PARD3B: variants seen among roughly 807,000 people sequenced by gnomAD.
PARD3B encodes partitioning defective 3 homolog B.
Under a neutral mutation model 130.2 loss-of-function variants are expected in PARD3B, and 103 were observed. That is an observed-to-expected ratio of 0.79 (90% CI 0.67 to 0.93). The LOEUF (loss-of-function observed/expected upper bound fraction) is 0.93. PARD3B is among the 40% of genes least tolerant of loss of function. The pLI is 0.00. For missense variants in PARD3B, 1,609 were observed against 1,499.2 expected, an observed-to-expected ratio of 1.07 and a Z score of -1.21; for synonymous variants, 583 against 553.2, an observed-to-expected ratio of 1.05 and a Z score of -0.76.
At chr2:205,447,299 C>T (rs1000317450) in intron 20 of PARD3B, among the ~76,000 whole-genome samples, 5 of 136,726 alleles carry the variant, frequency 3.7e-5, no homozygotes, top group Non-Finnish European at 7.4e-5. Context: ...CCTGCTTTTG[C>T]TCACCTGTCT....
chr2:205,470,639 C>T lies in PARD3B; in HGVS notation c.3045-29257C>T, dbSNP rs1203491145. ...ACAGGCAGGTCACTATCAGCATTTC[C>T]AGGGCAACCCTGTCTCCCACTTAGA... On this transcript the variant is annotated intron_variant, in intron 20 of 22. Coordinates refer to ENST00000406610, the MANE Select transcript of PARD3B (RefSeq NM_001302769.2). The surrounding 1 kb of genome is among the most constrained non-coding windows in gnomAD (Gnocchi z 4.8). Among the ~76,000 whole-genome samples, 3 of 152,128 alleles carry T rather than the reference C, an allele frequency of 2.0e-5. No homozygotes were observed. Among genetic ancestry groups the T allele is most frequent in the Admixed American group, 6.5e-5 (1 of 15,270 alleles).
chr2:205,602,129 A>G (rs573205311), intron 22 of PARD3B, among the ~76,000 whole-genome samples: 1 of 152,358 alleles, frequency 6.6e-6, no homozygotes, highest in African/African-American at 2.4e-5. Context: ...ATCTATTGAG[A>G]TAATCATGTG....
intron 3 of PARD3B, among the ~76,000 whole-genome samples, chr2:205,003,595 G>A (rs1251850149): frequency 6.6e-6 from 1 of 152,074 alleles, no homozygotes; most frequent in Non-Finnish European, 1.5e-5. Flanking sequence ...CTGAATTGTA[G>A]CCCACAGTCT....
rs187814205 is a variant in PARD3B, at chr2:204,572,987, C to A, written c.120+26868C>A. On this transcript the variant is annotated intron_variant, in intron 1 of 22. Coordinates refer to ENST00000406610, the MANE Select transcript of PARD3B (RefSeq NM_001302769.2). ...TCCTGGAAGAGATGAAACTTGACTT[C>A]TCTGCTATCTTAAATTATTGACTCA... is the stretch of plus-strand genomic sequence containing the variant. Among the ~76,000 whole-genome samples, 3 of 152,320 alleles carry A rather than the reference C, an allele frequency of 2.0e-5. No individual in the cohort carries two copies. In the East Asian group the frequency reaches 5.8e-4, roughly 29 times the overall value.
rs1222042706 is a variant in PARD3B, at chr2:204,998,488, ATATG to A, written c.394+33169_394+33172del. The stretch of plus-strand genomic sequence containing the variant: ...ATATGTATATATATGTGTATATAAT[ATATG>A]TATATATATGTGTATATATATATGT... On this transcript the variant is annotated intron_variant, in intron 3 of 22. Transcript: ENST00000406610. Among the ~76,000 whole-genome samples the A allele has an allele frequency of 1.3e-4, 14 of 110,318 alleles. 1 individual carries two copies. The highest frequency in any genetic ancestry group is 5.2e-4 in the African/African-American group (14 of 27,012). The allele number at this position is 110,318 out of a possible 152,430, so 72.4% of individuals were successfully genotyped here.
rs111907715 is a variant in PARD3B at position 204,883,720 on chromosome 2, A to G, written c.223-81432A>G. On this transcript the variant is annotated intron_variant, in intron 2 of 22. Coordinates refer to ENST00000406610, the MANE Select transcript of PARD3B (RefSeq NM_001302769.2). ...TGGCCTCCCAAAGTGCTGGGATTACACACATGAGCCACCGCACCTGGCCTA... is the reference window on the plus strand; with the variant it reads ...TGGCCTCCCAAAGTGCTGGGATTACGCACATGAGCCACCGCACCTGGCCTA... Among the ~76,000 whole-genome samples, 23 of 151,612 alleles carry G rather than the reference A, an allele frequency of 1.5e-4. 1 individual carries two copies. Among genetic ancestry groups the G allele is most frequent in the African/African-American group, 5.1e-4 (21 of 41,294 alleles).
At chr2:205,557,678 A>G (rs544032251) in intron 22 of PARD3B, among the ~76,000 whole-genome samples, 6 of 152,304 alleles carry the variant, frequency 3.9e-5, no homozygotes, top group African/African-American at 1.4e-4. Context: ...TATTAAATAC[A>G]ATAATACAAG....
At chr2:204,850,710 G>C (rs1464033232) in intron 2 of PARD3B, among the ~76,000 whole-genome samples, 1 of 152,116 alleles carries the variant, frequency 6.6e-6, no homozygotes, top group African/African-American at 2.4e-5. Context: ...TTCTACCTTA[G>C]CTGAGCAGGC....
chr2:204,673,532 A>G lies in PARD3B; in HGVS notation c.121-12649A>G, dbSNP rs113126470. ...TGAGCTTTGACTTATTTTACAAATG[A>G]CTGCAATGAGACTTGCCCTGGGGCA... On this transcript the variant is annotated intron_variant, in intron 1 of 22. Coordinates refer to ENST00000406610, the MANE Select transcript of PARD3B (RefSeq NM_001302769.2). The surrounding 1 kb of genome is among the most constrained non-coding windows in gnomAD (Gnocchi z 4.7). 0.018 allele frequency among the ~76,000 whole-genome samples: 2,798 copies of G among 152,294 alleles called. 42 individuals carry two copies. Among genetic ancestry groups the G allele is most frequent in the Middle Eastern group, 0.071 (21 of 294 alleles).
At chr2:205,392,241 A>G (rs2045885728) in intron 18 of PARD3B, among the ~76,000 whole-genome samples, 1 of 152,226 alleles carries the variant, frequency 6.6e-6, no homozygotes, top group South Asian at 2.1e-4. Context: ...GTAGAACGTT[A>G]TAGGACCTCC....
At position 205,460,151 on chromosome 2, in the gene PARD3B, C is replaced by G. The variant is rs1349041493; in HGVS notation, c.3044+19479C>G. Among the ~76,000 whole-genome samples, 1 of 152,132 alleles carries G rather than the reference C, an allele frequency of 6.6e-6. No individual in the cohort carries two copies. Among genetic ancestry groups the G allele is most frequent in the Non-Finnish European group, 1.5e-5 (1 of 68,018 alleles). On this transcript the variant is annotated intron_variant, in intron 20 of 22. Transcript: ENST00000406610. This position sits in a 1 kb window ranked among gnomAD's most constrained non-coding sequence, Gnocchi z 4.9. ...TCTCTGCAATTTCCAAGTCTCAAAA[C>G]TAATTCACTAGAAAACATTTAAAAT...
intron 20 of PARD3B, among the ~76,000 whole-genome samples, chr2:205,459,962 G>A (rs929359405): frequency 6.6e-6 from 1 of 152,124 alleles, no homozygotes; most frequent in East Asian, 1.9e-4. Context: ...GTGAAAGATG[G>A]CATGGATCTT....
At position 205,245,757 on chromosome 2, in the gene PARD3B, T is replaced by G. The variant is rs755484723; in HGVS notation, c.2141-21T>G. ...TTTACAAGCCGGTCTGATCCTTGTC[T>G]CTTTTATTTCTTCTCCTCAGTGCCA... On this transcript the variant is annotated intron_variant, in intron 15 of 22. Coordinates refer to ENST00000406610, the MANE Select transcript of PARD3B (RefSeq NM_001302769.2). 1.9e-6 allele frequency: 3 copies of G among 1,573,382 alleles called. No individual in the cohort carries two copies. The Admixed American group carries it at 5.1e-5, about 27-fold the overall frequency.
intron 19 of PARD3B, among the ~76,000 whole-genome samples, chr2:205,436,960 T>C (rs2047539095): frequency 2.0e-5 from 3 of 152,180 alleles, no homozygotes; most frequent in Non-Finnish European, 4.4e-5. Context: ...CTCTTCTGTC[T>C]CTGCCTCTCC....
intron 11 of PARD3B, among the ~76,000 whole-genome samples, chr2:205,163,405 G>A (rs2034620643): frequency 6.6e-6 from 1 of 152,116 alleles, no homozygotes; most frequent in Non-Finnish European, 1.5e-5. Context: ...TGCCTGACAT[G>A]GCTAATTGTA....
At chr2:205,057,309 G>C (rs184644468) in intron 4 of PARD3B, among the ~76,000 whole-genome samples, 1 of 144,918 alleles carries the variant, frequency 6.9e-6, no homozygotes, top group Non-Finnish European at 1.5e-5. Context: ...GTATGTATTC[G>C]TATATGTATG....
At chr2:205,279,902 G>A (rs560335148) in intron 16 of PARD3B, among the ~76,000 whole-genome samples, 1 of 152,272 alleles carries the variant, frequency 6.6e-6, no homozygotes, top group South Asian at 2.1e-4. Context: ...TCCCAGCAGG[G>A]AGCCTAAATA....
intron 20 of PARD3B, among the ~76,000 whole-genome samples, chr2:205,491,966 T>C (rs2049736011): frequency 6.6e-6 from 1 of 152,138 alleles, no homozygotes; most frequent in Non-Finnish European, 1.5e-5. Context: ...TTATTGTGAT[T>C]TTCAGGTTTC....
intron 16 of PARD3B, among the ~76,000 whole-genome samples, chr2:205,266,156 C>A (rs772593963): frequency 6.6e-6 from 1 of 152,048 alleles, no homozygotes; most frequent in Non-Finnish European, 1.5e-5. Context: ...GATTTAATGT[C>A]TCCCAGACCC....
Sources: allele counts gnomAD v4.1 joint callset (sites outside exome capture counted in the v4.1 genomes callset), GRCh38; gene constraint gnomAD v4.1.1; non-coding constraint Gnocchi (gnomAD v3.1); transcripts MANE v1.5; gene names NCBI Gene and HGNC (gene_info 2026-07-23, HGNC 2026-07-21).